Variants in MGAT4C observed in about 807,000 individuals in gnomAD.
MGAT4C encodes the protein alpha-1,3-mannosyl-glycoprotein 4-beta-N-acetylglucosaminyltransferase C.
Under a neutral mutation model 40.1 loss-of-function variants are expected in MGAT4C, and 19 were observed. The ratio of observed to expected loss-of-function variants is 0.47; its 90% confidence interval spans 0.33 to 0.70. MGAT4C has a LOEUF of 0.70. Among genes scored for constraint, MGAT4C ranks in the 30% least tolerant of loss-of-function variants. The pLI is 0.02. For synonymous variants in MGAT4C, 181 were observed against 187.1 expected, an observed-to-expected ratio of 0.97 and a Z score of 0.27; for missense variants, 491 against 563.2, an observed-to-expected ratio of 0.87 and a Z score of 1.30.
chr12:86,133,969 C>A (rs543228323), intron 1 of MGAT4C, among the ~76,000 whole-genome samples: 1 of 151,944 alleles, frequency 6.6e-6, no homozygotes, highest in African/African-American at 2.4e-5. Flanking sequence ...CCTAATTTTA[C>A]GTCACTATAA....
chr12:86,751,911 G>A (rs1951236016), intron 1 of MGAT4C, among the ~76,000 whole-genome samples: 1 of 151,984 alleles, frequency 6.6e-6, no homozygotes, highest in Non-Finnish European at 1.5e-5. Flanking sequence ...AGTTTTGTTA[G>A]GACCAGGCTT....
At chr12:86,658,347 C>A (rs1963898444) in intron 2 of MGAT4C, among the ~76,000 whole-genome samples, 1 of 151,950 alleles carries the variant, frequency 6.6e-6, no homozygotes, top group South Asian at 2.1e-4. Context: ...TTTGAAGATA[C>A]TTTGTTTAAA....
chr12:86,094,383 T>A lies in MGAT4C; in HGVS notation c.-56-44660A>T, dbSNP rs190684124. Among the ~76,000 whole-genome samples, 235 of 152,276 alleles carry A rather than the reference T, an allele frequency of 1.5e-3. 1 individual carries two copies. Among genetic ancestry groups the A allele is most frequent in the African/African-American group, 5.5e-3 (227 of 41,576 alleles). ...AAAGGAAGTTGTCATGCATAAATTA[T>A]CCCCAATTGAAAGTAAACTTGACAA... On this transcript the variant is annotated intron_variant, in intron 1 of 4. Transcript: ENST00000611864.
chr12:86,386,301 G>C (rs1193314743), intron 3 of MGAT4C, among the ~76,000 whole-genome samples: 2 of 152,290 alleles, frequency 1.3e-5, no homozygotes, highest in East Asian at 3.9e-4. Context: ...AAACAAAACA[G>C]ATGCCTACAT....
rs183434084 is a variant in MGAT4C at position 85,974,216 on chromosome 12, G to C, written c.*5073C>G. 1 of 150,804 alleles carries C rather than the reference G, an allele frequency of 6.6e-6. No homozygotes were observed. The highest frequency in any genetic ancestry group is 2.4e-5 in the African/African-American group (1 of 41,306). 9.3% of individuals were successfully genotyped at this position (150,804 alleles called of 1,614,324 possible). On this transcript the variant is annotated 3_prime_UTR_variant, in exon 5 of 5. Coordinates refer to ENST00000611864, the MANE Select transcript of MGAT4C (RefSeq NM_001351288.2). ...TAAAGTATCTAAAAGGATGCACAAA[G>C]ATCTCTAATGTGCTGTGATTTTCAA... is the stretch of plus-strand genomic sequence containing the variant.
chr12:85,979,354 T>C lies in MGAT4C; in HGVS notation c.1372A>G (p.Ile458Val). The C allele has an allele frequency of 6.2e-7, 1 of 1,612,590 alleles. No homozygotes were observed. The highest frequency in any genetic ancestry group is 8.5e-7 in the Non-Finnish European group (1 of 1,179,098). ...KIPFDIHCMR[I>V]YVTKTQKEWL... is the part of the protein sequence containing the mutation. Reference sequence around the variant, plus strand: ...TCCTTTTGTGTTTTGGTGACATATATCCTCATACAATGTATATCAAATGGA... The same window carrying C: ...TCCTTTTGTGTTTTGGTGACATATACCCTCATACAATGTATATCAAATGGA... Residue 458 changes from isoleucine (I) to valine (V), a missense_variant, in exon 5 of 5, where the codon ATA (isoleucine) becomes GTA (valine). Transcript: ENST00000611864.
intron 1 of MGAT4C, among the ~76,000 whole-genome samples, chr12:86,192,382 C>T (rs1479802340): frequency 1.3e-5 from 2 of 152,110 alleles, no homozygotes; most frequent in Non-Finnish European, 2.9e-5. Flanking sequence ...ACACTGAATT[C>T]CAAAATTCTG....
intron 2 of MGAT4C, among the ~76,000 whole-genome samples, chr12:86,603,705 A>C (rs1346511695): frequency 2.3e-5 from 3 of 132,042 alleles, no homozygotes; most frequent in Non-Finnish European, 3.1e-5. Flanking sequence ...TATATTATCT[A>C]TAGTCTATAG....
At chr12:86,031,884 T>C (rs1890787892) in intron 2 of MGAT4C, among the ~76,000 whole-genome samples, 1 of 151,862 alleles carries the variant, frequency 6.6e-6, no homozygotes, top group South Asian at 2.1e-4. Context: ...GCATAGTACC[T>C]GATAGGTAGT....
chr12:86,807,715 TG>T (rs1952385662), intron 1 of MGAT4C, among the ~76,000 whole-genome samples: 2 of 152,162 alleles, frequency 1.3e-5, no homozygotes, highest in Non-Finnish European at 2.9e-5. Flanking sequence ...TCGTCCATAA[TG>T]GTTGAACTAA....
chr12:86,627,025 A>C (rs1045110708), intron 2 of MGAT4C, among the ~76,000 whole-genome samples: 16 of 152,204 alleles, frequency 1.1e-4, no homozygotes, highest in African/African-American at 3.6e-4. Context: ...TAAATACTGC[A>C]CTTTTCCAAT....
At position 85,977,931 on chromosome 12, in the gene MGAT4C, T is replaced by TAAAAAAC. The variant is rs372134652; in HGVS notation, c.*1351_*1357dup. ...AAATCCCTTAGTTTTTGCTGTTCAT[T>TAAAAAAC]AAAAAACAAAAAGGAAGAGACAAGC... On this transcript the variant is annotated 3_prime_UTR_variant, in exon 5 of 5. Transcript: ENST00000611864. The TAAAAAAC allele has an allele frequency of 3.3e-5, 5 of 151,194 alleles. No homozygotes were observed. In the East Asian group the frequency reaches 9.7e-4, roughly 29 times the overall value. The allele number at this position is 151,194 out of a possible 1,614,324, so 9.4% of individuals were successfully genotyped here. A position where few individuals can be genotyped will look rare whatever the true frequency, so the allele number is the denominator to read the frequency against.
intron 1 of MGAT4C, among the ~76,000 whole-genome samples, chr12:86,074,337 T>TATAGATAG (rs3991314): frequency 0.041 from 6,067 of 149,086 alleles, 132 homozygotes; most frequent in Non-Finnish European, 0.047. Flanking sequence ...TTAATAAACA[T>TATAGATAG]ATAGATAGAT....
At chr12:86,279,345 G>T (rs1298384492) in intron 4 of MGAT4C, among the ~76,000 whole-genome samples, 2 of 151,978 alleles carry the variant, frequency 1.3e-5, no homozygotes, top group Non-Finnish European at 2.9e-5. Context: ...CTTGTTATTG[G>T]TCTGTTCCGG....
At chr12:86,243,254 A>C (rs901021412) in intron 1 of MGAT4C, among the ~76,000 whole-genome samples, 4 of 152,210 alleles carry the variant, frequency 2.6e-5, no homozygotes, top group African/African-American at 9.6e-5. Flanking sequence ...TTGTTGGGTG[A>C]GCTCTGCTAC....
intron 2 of MGAT4C, among the ~76,000 whole-genome samples, chr12:86,691,224 A>G (rs1383707523): frequency 6.6e-6 from 1 of 152,212 alleles, no homozygotes; most frequent in Non-Finnish European, 1.5e-5. Flanking sequence ...TGATAAAATA[A>G]TGTATGTTTA....
chr12:86,424,320 T>C (rs1317236777), intron 3 of MGAT4C, among the ~76,000 whole-genome samples: 1 of 152,192 alleles, frequency 6.6e-6, no homozygotes, highest in East Asian at 1.9e-4. Flanking sequence ...CCCCCACTCT[T>C]CCAATCATCA....
chr12:86,619,489 C>T (rs1040600582), intron 2 of MGAT4C, among the ~76,000 whole-genome samples: 3 of 152,050 alleles, frequency 2.0e-5, no homozygotes, highest in Non-Finnish European at 4.4e-5. Flanking sequence ...TCACTGTTCA[C>T]AAATGTACTC....
At chr12:86,625,115 A>G (rs935632769) in intron 2 of MGAT4C, among the ~76,000 whole-genome samples, 66 of 151,974 alleles carry the variant, frequency 4.3e-4, no homozygotes, top group African/African-American at 1.5e-3. Context: ...TGGGCTATTC[A>G]TAAGTGGCTC....
Sources: gnomAD v4.1 joint callset for allele counts (sites outside exome capture counted in the v4.1 genomes callset) on GRCh38, gnomAD v4.1.1 for gene constraint, MANE v1.5 for transcripts, NCBI Gene and HGNC (gene_info 2026-07-23, HGNC 2026-07-21) for gene names.